ENTREP1: variants seen among roughly 807,000 people sequenced by gnomAD.
ENTREP1 encodes the protein endosomal transmembrane epsin interactor 1.
the ENTREP1 span, among the ~76,000 whole-genome samples, chr9:69,329,893 T>A: frequency 7.1e-6 from 1 of 141,382 alleles, no homozygotes; most frequent in East Asian, 2.1e-4. Context: ...CTGGGTTTAA[T>A]TAGATTCCAC....
chr9:69,325,073 GCGCC>G, the ENTREP1 span: 1 of 985,386 alleles, frequency 1.0e-6, no homozygotes, highest in Non-Finnish European at 1.2e-6. Context: ...GAGTGAGGGT[GCGCC>G]CAGGGCCAGC....
chr9:69,362,353 G>A, the ENTREP1 span, among the ~76,000 whole-genome samples: 4 of 152,164 alleles, frequency 2.6e-5, no homozygotes, highest in Admixed American at 2.0e-4. Context: ...GTTGCTTCTT[G>A]ATAGCCTCAG....
chr9:69,390,846 G>A, the ENTREP1 span, among the ~76,000 whole-genome samples: 1 of 152,156 alleles, frequency 6.6e-6, no homozygotes, highest in South Asian at 2.1e-4. Flanking sequence ...TTGCGATGTT[G>A]TCCAGGCTGG....
the ENTREP1 span, chr9:69,387,733 CTCTT>C: frequency 2.5e-5 from 10 of 398,640 alleles, no homozygotes; most frequent in African/African-American, 1.9e-4. Context: ...AGTCTTGTCT[CTCTT>C]CAGCCCCTTC....
At chr9:69,353,158 A>G in the ENTREP1 span, among the ~76,000 whole-genome samples, 3 of 152,122 alleles carry the variant, frequency 2.0e-5, no homozygotes, top group Non-Finnish European at 4.4e-5. Context: ...AAAGTAGAAG[A>G]AGATAACACT....
chr9:69,329,481 G>T, the ENTREP1 span: 1 of 982,044 alleles, frequency 1.0e-6, no homozygotes, highest in Middle Eastern at 5.2e-4. Context: ...AAACACTTAA[G>T]AATTAACAAA....
chr9:69,349,085 G>C, the ENTREP1 span, among the ~76,000 whole-genome samples: 1 of 150,852 alleles, frequency 6.6e-6, no homozygotes, highest in African/African-American at 2.4e-5. Flanking sequence ...TCAGAAGGCT[G>C]AGGCAGGGGA....
At chr9:69,373,674 A>G in the ENTREP1 span, among the ~76,000 whole-genome samples, 5 of 152,126 alleles carry the variant, frequency 3.3e-5, no homozygotes, top group Non-Finnish European at 7.4e-5. Flanking sequence ...CATTCTGTAT[A>G]TCCTCAGGGA....
the ENTREP1 span, among the ~76,000 whole-genome samples, chr9:69,351,560 A>G: frequency 6.6e-6 from 1 of 152,122 alleles, no homozygotes; most frequent in South Asian, 2.1e-4. Flanking sequence ...GGGACTACAG[A>G]CATGCACCAA....
the ENTREP1 span, chr9:69,388,230 G>A: frequency 1.1e-5 from 18 of 1,614,160 alleles, no homozygotes; most frequent in South Asian, 1.8e-4. Context: ...GTGACTCTGA[G>A]GAGAGGCTTG....
chr9:69,340,682 CATGTGTGTGTGT>C, the ENTREP1 span, among the ~76,000 whole-genome samples: 280 of 16,220 alleles, frequency 0.017, 6 homozygotes, highest in Middle Eastern at 0.12. Flanking sequence ...TGTGTGCATG[CATGTGTGTGTGT>C]ATGTGTGTGT....
At chr9:69,348,183 C>T in the ENTREP1 span, among the ~76,000 whole-genome samples, 1 of 152,140 alleles carries the variant, frequency 6.6e-6, no homozygotes, top group African/African-American at 2.4e-5. Flanking sequence ...GGCGCGGACA[C>T]AGCTCACTGC....
At chr9:69,372,656 A>G in the ENTREP1 span, among the ~76,000 whole-genome samples, 1 of 152,186 alleles carries the variant, frequency 6.6e-6, no homozygotes, top group Non-Finnish European at 1.5e-5. Flanking sequence ...TGGGCCTGCA[A>G]ACATGTCTCT....
the ENTREP1 span, among the ~76,000 whole-genome samples, chr9:69,351,972 CTTGTG>C: frequency 6.6e-6 from 1 of 152,062 alleles, no homozygotes; most frequent in African/African-American, 2.4e-5. Context: ...AGCAGCTGTT[CTTGTG>C]TTATTATGCC....
At chr9:69,350,068 A>G in the ENTREP1 span, among the ~76,000 whole-genome samples, 1 of 152,190 alleles carries the variant, frequency 6.6e-6, no homozygotes, top group Non-Finnish European at 1.5e-5. Context: ...CCTTTGAAGC[A>G]CAAAAGTTTA....
the ENTREP1 span, chr9:69,375,795 C>T: frequency 1.2e-6 from 2 of 1,613,862 alleles, no homozygotes; most frequent in Admixed American, 1.7e-5. Flanking sequence ...CAGCCAAGTG[C>T]ACAGACAAAG....
the ENTREP1 span, among the ~76,000 whole-genome samples, chr9:69,351,610 G>T: frequency 0.8 from 121,273 of 152,122 alleles, 48,456 homozygotes; most frequent in South Asian, 0.87. Flanking sequence ...AGAGATGGTG[G>T]TTCACCATGT....
the ENTREP1 span, among the ~76,000 whole-genome samples, chr9:69,340,666 C>CATGTGTGTGTGTGTGCAT: frequency 1.1e-4 from 12 of 108,650 alleles, no homozygotes; most frequent in Admixed American, 1.0e-3. Flanking sequence ...TGTGTGTGTG[C>CATGTGTGTGTGTGTGCAT]GTGTGTGTGT....
At chr9:69,332,429 T>A in the ENTREP1 span, among the ~76,000 whole-genome samples, 3 of 152,222 alleles carry the variant, frequency 2.0e-5, no homozygotes, top group Non-Finnish European at 4.4e-5. Context: ...ACATTCTTAG[T>A]TTGTCTTCAA....
Sources: allele counts gnomAD v4.1 joint callset (sites outside exome capture counted in the v4.1 genomes callset), GRCh38; gene constraint gnomAD v4.1.1; transcripts MANE v1.5; gene names NCBI Gene and HGNC (gene_info 2026-07-23, HGNC 2026-07-21).